Variants in HGSNAT observed in about 807,000 individuals in gnomAD.
HGSNAT encodes the protein transmembrane protein 76.
A neutral mutation model predicts 85.2 loss-of-function variants in HGSNAT; 59 were observed. The observed-to-expected ratio is 0.69, with a 90% CI of 0.56 to 0.86. HGSNAT has a LOEUF of 0.86. Among genes scored for constraint, HGSNAT ranks in the 40% least tolerant of loss-of-function variants. The pLI is 0.00. For missense variants in HGSNAT, 756 were observed against 777.1 expected, an observed-to-expected ratio of 0.97 and a Z score of 0.32; for synonymous variants, 321 against 304.5, an observed-to-expected ratio of 1.05 and a Z score of -0.56.
chr8:43,165,523 A>G (rs1027799916), intron 5 of HGSNAT, among the ~76,000 whole-genome samples: 1 of 152,244 alleles, frequency 6.6e-6, no homozygotes, highest in Non-Finnish European at 1.5e-5. Flanking sequence ...TTAGTGAGAA[A>G]GGCATGTCGA....
intron 2 of HGSNAT, among the ~76,000 whole-genome samples, chr8:43,158,243 C>T (rs1328667916): frequency 6.6e-6 from 1 of 152,096 alleles, no homozygotes; most frequent in Non-Finnish European, 1.5e-5. Flanking sequence ...GGATTACAGG[C>T]ATGTGCCACC....
In HGSNAT at chr8:43,156,362, G is replaced by T. The variant is rs1283530162; in HGVS notation, c.235-2213G>T. 2.0e-5 allele frequency among the ~76,000 whole-genome samples: 3 copies of T among 152,066 alleles called. No individual in the cohort carries two copies. The East Asian group carries it at 5.8e-4, about 29-fold the overall frequency. On this transcript the variant is annotated intron_variant, in intron 2 of 17. Coordinates refer to ENST00000379644, the MANE Select transcript of HGSNAT (RefSeq NM_152419.3). ...ACTCTTTCGCCCAGGCTGGAGAGAA[G>T]TGGTGTCATCTCGGCTCACTGCAAC...
At chr8:43,150,490 A>C (rs966208233) in intron 2 of HGSNAT, among the ~76,000 whole-genome samples, 1 of 151,868 alleles carries the variant, frequency 6.6e-6, no homozygotes, top group Non-Finnish European at 1.5e-5. Flanking sequence ...AAACAAGACT[A>C]TACAATGTGG....
intron 11 of HGSNAT, among the ~76,000 whole-genome samples, chr8:43,188,541 G>A (rs1468951677): frequency 1.3e-5 from 2 of 152,090 alleles, no homozygotes; most frequent in Non-Finnish European, 2.9e-5. Context: ...TTACCCATTT[G>A]TCTAATCTTT....
intron 5 of HGSNAT, among the ~76,000 whole-genome samples, chr8:43,162,534 C>T (rs1361685586): frequency 2.6e-5 from 4 of 151,142 alleles, no homozygotes; most frequent in Non-Finnish European, 5.9e-5. Flanking sequence ...ATGCTTTTCA[C>T]GTAAATGGAT....
At chr8:43,196,231 C>G (rs1470361115) in intron 14 of HGSNAT, 1 of 338,842 alleles carries the variant, frequency 3.0e-6, no homozygotes, top group Admixed American at 4.0e-5. Context: ...GTTCTAAGAA[C>G]TGGCACATAA....
intron 11 of HGSNAT, 61 bp downstream of exon 11, chr8:43,182,321 G>A (rs1804157143): frequency 1.0e-5 from 13 of 1,272,888 alleles, no homozygotes; most frequent in Non-Finnish European, 1.5e-5. Context: ...TGTATTGTGT[G>A]GTGATACGGT....
At chr8:43,147,146 C>A in intron 2 of HGSNAT, 83 bp downstream of exon 2, 2 of 758,322 alleles carry the variant, frequency 2.6e-6, no homozygotes, top group Non-Finnish European at 4.2e-6. Flanking sequence ...TAAAGCCCTT[C>A]ACAAGTTAAT....
chr8:43,183,677 G>A (rs569306682), intron 11 of HGSNAT, among the ~76,000 whole-genome samples: 1 of 152,108 alleles, frequency 6.6e-6, no homozygotes, highest in East Asian at 1.9e-4. Context: ...GGGTATATGT[G>A]CACAACGTGC....
At chr8:43,141,150 G>T (rs1207788464) in intron 1 of HGSNAT, among the ~76,000 whole-genome samples, 1 of 152,212 alleles carries the variant, frequency 6.6e-6, no homozygotes, top group African/African-American at 2.4e-5. Flanking sequence ...TTCGCCCCGC[G>T]CTGGGGTTGA....
In HGSNAT at chr8:43,197,912, T is replaced by G; in HGVS notation, c.1686T>G (p.Asp562Glu). The change falls in exon 17 of 18, where the codon GAT (aspartate) becomes GAG (glutamate). Residue 562 changes from aspartate (D) to glutamate (E), a missense_variant. Physicochemically the swap from Asp to Glu is conservative, Grantham distance 45 (BLOSUM62 2). Coordinates refer to ENST00000379644, the MANE Select transcript of HGSNAT (RefSeq NM_152419.3). Reference sequence around the variant, plus strand: ...TGCTGGTCCTGTACCCAGTTGTGGATGTGAAGGGGCTGTGGACAGGAACCC... The same window carrying G: ...TGCTGGTCCTGTACCCAGTTGTGGAGGTGAAGGGGCTGTGGACAGGAACCC... ...FILLVLYPVV[D>E]VKGLWTGTPF... The G allele has an allele frequency of 6.2e-7, 1 of 1,613,992 alleles. No individual in the cohort carries two copies. Among genetic ancestry groups the G allele is most frequent in the Non-Finnish European group, 8.5e-7 (1 of 1,179,866 alleles).
intron 5 of HGSNAT, among the ~76,000 whole-genome samples, chr8:43,163,386 C>T (rs560400869): frequency 6.6e-6 from 1 of 152,174 alleles, no homozygotes; most frequent in East Asian, 1.9e-4. Flanking sequence ...GTTCAGATGA[C>T]TGTGAGCCAA....
At chr8:43,184,489 T>C (rs563553567) in intron 11 of HGSNAT, among the ~76,000 whole-genome samples, 1 of 152,364 alleles carries the variant, frequency 6.6e-6, no homozygotes, top group Admixed American at 6.5e-5. Flanking sequence ...GGTTGTTTGA[T>C]TTCTTCTTGT....
chr8:43,195,779 G>C (rs1373360929), intron 14 of HGSNAT: 2 of 161,142 alleles, frequency 1.2e-5, no homozygotes, highest in Non-Finnish European at 2.7e-5. Flanking sequence ...AGAAGAGGAG[G>C]AGGAGGGTGT....
At chr8:43,140,647 G>A (rs1042746965) in intron 1 of HGSNAT, 33 bp downstream of exon 1, 1 of 1,094,582 alleles carries the variant, frequency 9.1e-7, no homozygotes, top group Non-Finnish European at 1.2e-6. Flanking sequence ...CGCCCGGCCG[G>A]CTACGAGCGC....
chr8:43,175,731 A>G (rs936190251), intron 9 of HGSNAT, among the ~76,000 whole-genome samples: 1 of 150,328 alleles, frequency 6.7e-6, no homozygotes, highest in African/African-American at 2.4e-5. Context: ...ACACCTGGCT[A>G]TTTTTTTGTA....
chr8:43,173,904 C>A, intron 9 of HGSNAT, 161 bp downstream of exon 9: 1 of 692,690 alleles, frequency 1.4e-6, no homozygotes, highest in Non-Finnish European at 2.4e-6. Context: ...TGACCCAGTG[C>A]CTACACGTGT....
chr8:43,159,581 T>G (rs1803203652), intron 4 of HGSNAT, among the ~76,000 whole-genome samples: 1 of 152,156 alleles, frequency 6.6e-6, no homozygotes, highest in South Asian at 2.1e-4. Flanking sequence ...GAGCCAGACC[T>G]TGTCTCAAAA....
chr8:43,172,700 T>C (rs1386571668), intron 8 of HGSNAT, among the ~76,000 whole-genome samples: 1 of 152,236 alleles, frequency 6.6e-6, no homozygotes, highest in Non-Finnish European at 1.5e-5. Flanking sequence ...ATGGTCATAT[T>C]CTAGATATGC....
Sources: allele counts gnomAD v4.1 joint callset (sites outside exome capture counted in the v4.1 genomes callset), GRCh38; gene constraint gnomAD v4.1.1; transcripts MANE v1.5; gene names NCBI Gene and HGNC (gene_info 2026-07-23, HGNC 2026-07-21).